UBE3D: variants seen among roughly 807,000 people sequenced by gnomAD.
UBE3D encodes E3 ubiquitin-protein ligase E3D.
In UBE3D, 48 loss-of-function variants were observed where a neutral mutation model predicts 49.6. The observed-to-expected ratio is 0.97, with a 90% CI of 0.77 to 1.23. The LOEUF is 1.23. UBE3D is among the 50% of genes most tolerant of loss of function. The probability of loss-of-function intolerance (pLI) is 0.00; values close to 1 mark genes in which losing one functional copy is unlikely to be tolerated. For synonymous variants in UBE3D, 189 were observed against 174.2 expected (o/e 1.08, Z -0.67); for missense variants, 452 against 468.4 (o/e 0.96, Z 0.32).
chr6:82,961,208 G>T (rs1776524942), intron 8 of UBE3D, among the ~76,000 whole-genome samples: 1 of 152,164 alleles, frequency 6.6e-6, no homozygotes. Flanking sequence ...AGGGAAAATG[G>T]TAAATTATGC....
intron 5 of UBE3D, among the ~76,000 whole-genome samples, chr6:83,032,703 T>C (rs1781966845): frequency 6.6e-6 from 1 of 152,146 alleles, no homozygotes; most frequent in Admixed American, 6.5e-5. Flanking sequence ...TCTTGAATTG[T>C]TGCTCCCATA....
At chr6:82,939,080 C>G (rs1473990924) in intron 9 of UBE3D, among the ~76,000 whole-genome samples, 2 of 151,494 alleles carry the variant, frequency 1.3e-5, no homozygotes, top group Non-Finnish European at 2.9e-5. Context: ...AAAAAAAGAA[C>G]GAGTACCATT....
intron 8 of UBE3D, among the ~76,000 whole-genome samples, chr6:82,969,221 A>AGGGTTG (rs1554193874): frequency 2.7e-5 from 1 of 37,000 alleles, no homozygotes; most frequent in Non-Finnish European, 5.2e-5. Context: ...TACACAGGGC[A>AGGGTTG]GGGGTGGGGG....
chr6:82,924,403 G>T (rs748309800), intron 9 of UBE3D, among the ~76,000 whole-genome samples: 1 of 152,052 alleles, frequency 6.6e-6, no homozygotes, highest in Non-Finnish European at 1.5e-5. Flanking sequence ...AAAGCTTAAG[G>T]ACAAGAATCT....
At chr6:82,965,071 T>G (rs939604331) in intron 8 of UBE3D, among the ~76,000 whole-genome samples, 4 of 152,184 alleles carry the variant, frequency 2.6e-5, no homozygotes, top group Admixed American at 6.5e-5. Context: ...ATGCTATGCC[T>G]TTCAAACTTT....
chr6:83,041,915 A>G (rs577521705), intron 4 of UBE3D, among the ~76,000 whole-genome samples: 22 of 151,686 alleles, frequency 1.5e-4, no homozygotes, highest in Non-Finnish European at 2.8e-4. Flanking sequence ...CGTCTATTAT[A>G]TAATTTTTTT....
chr6:82,944,415 T>C (rs1228650891), intron 9 of UBE3D, among the ~76,000 whole-genome samples: 1 of 152,088 alleles, frequency 6.6e-6, no homozygotes, highest in Non-Finnish European at 1.5e-5. Flanking sequence ...AAGCCTATCA[T>C]CTGATGACTA....
At chr6:83,013,525 C>A (rs1302008853) in intron 8 of UBE3D, among the ~76,000 whole-genome samples, 1 of 152,140 alleles carries the variant, frequency 6.6e-6, no homozygotes, top group East Asian at 1.9e-4. Flanking sequence ...TGGACTCCAC[C>A]CAAAACTGAC....
At chr6:83,047,537 G>A (rs1289282062) in intron 3 of UBE3D, among the ~76,000 whole-genome samples, 1 of 152,140 alleles carries the variant, frequency 6.6e-6, no homozygotes, top group Non-Finnish European at 1.5e-5. Flanking sequence ...TCCCCAGAAA[G>A]GTATGTGAGC....
At chr6:82,906,137 AT>A (rs572037603) in intron 9 of UBE3D, among the ~76,000 whole-genome samples, 31 of 150,374 alleles carry the variant, frequency 2.1e-4, no homozygotes, top group East Asian at 5.8e-4. Context: ...TAGCTCATAC[AT>A]TTTTTTTTTA....
chr6:82,969,605 C>A (rs958005786), intron 8 of UBE3D, among the ~76,000 whole-genome samples: 1 of 151,794 alleles, frequency 6.6e-6, no homozygotes, highest in African/African-American at 2.4e-5. Context: ...GAGACCCTCT[C>A]TAAAAACAAA....
intron 8 of UBE3D, among the ~76,000 whole-genome samples, chr6:82,990,967 A>G (rs1235380882): frequency 6.6e-6 from 1 of 152,194 alleles, no homozygotes; most frequent in Admixed American, 6.5e-5. Context: ...TTACACGGTC[A>G]AGATGCCAAC....
intron 8 of UBE3D, among the ~76,000 whole-genome samples, chr6:83,007,706 A>G (rs1780071468): frequency 6.6e-6 from 1 of 152,164 alleles, no homozygotes; most frequent in Non-Finnish European, 1.5e-5. Flanking sequence ...ACATTTTGGG[A>G]TGTTGAGGTG....
intron 8 of UBE3D, among the ~76,000 whole-genome samples, chr6:82,971,106 TTC>T (rs1324856369): frequency 6.6e-6 from 1 of 152,184 alleles, no homozygotes; most frequent in East Asian, 1.9e-4. Context: ...TCAGTCAAAA[TTC>T]TCTTTTTCTA....
At chr6:82,936,771 A>T (rs1202329971) in intron 9 of UBE3D, among the ~76,000 whole-genome samples, 1 of 152,094 alleles carries the variant, frequency 6.6e-6, no homozygotes, top group Non-Finnish European at 1.5e-5. Flanking sequence ...CAACCTCCAA[A>T]CCCCAAAGAA....
chr6:82,902,585 A>G (rs1771817115), intron 9 of UBE3D, among the ~76,000 whole-genome samples: 1 of 152,206 alleles, frequency 6.6e-6, no homozygotes, highest in Admixed American at 6.5e-5. Flanking sequence ...CAAGTCAAGG[A>G]CAGAGCAGTG....
At chr6:82,915,923 G>A (rs1057464758) in intron 9 of UBE3D, among the ~76,000 whole-genome samples, 3 of 152,096 alleles carry the variant, frequency 2.0e-5, no homozygotes, top group African/African-American at 7.2e-5. Flanking sequence ...TTAGGTATAT[G>A]ACAAGCTTGT....
intron 9 of UBE3D, among the ~76,000 whole-genome samples, chr6:82,943,657 C>T (rs1356472900): frequency 6.6e-6 from 1 of 151,950 alleles, no homozygotes; most frequent in Non-Finnish European, 1.5e-5. Flanking sequence ...CAAACAACAA[C>T]TACAAAAAAA....
At chr6:82,990,410 A>G (rs1203117817) in intron 8 of UBE3D, among the ~76,000 whole-genome samples, 1 of 152,036 alleles carries the variant, frequency 6.6e-6, no homozygotes, top group African/African-American at 2.4e-5. Context: ...CCCAAGTAGC[A>G]GGGACTGCAG....
Sources: allele counts gnomAD v4.1 joint callset (sites outside exome capture counted in the v4.1 genomes callset), GRCh38; gene constraint gnomAD v4.1.1; transcripts MANE v1.5; gene names NCBI Gene and HGNC (gene_info 2026-07-23, HGNC 2026-07-21).